ESR1: variants seen among roughly 807,000 people sequenced by gnomAD.
The protein encoded by ESR1 is estrogen receptor.
ESR1 carries 12 observed loss-of-function variants against 52.7 expected under a neutral mutation model. The ratio of observed to expected loss-of-function variants is 0.23; its 90% CI spans 0.15 to 0.37. The LOEUF (loss-of-function observed/expected upper bound fraction) is 0.37, where lower values mean the gene tolerates loss of function less well. ESR1 is among the 10% of genes least tolerant of loss of function. The probability of loss-of-function intolerance (pLI) is 1.00; values close to 1 mark genes in which losing one functional copy is unlikely to be tolerated. For missense variants in ESR1, 584 were observed against 779.7 expected (o/e 0.75, Z 2.99); for synonymous variants, 305 against 316.8 (o/e 0.96, Z 0.39).
At chr6:151,894,670 T>G (rs1175878931) in intron 3 of ESR1, among the ~76,000 whole-genome samples, 1 of 152,178 alleles carries the variant, frequency 6.6e-6, no homozygotes, top group East Asian at 1.9e-4. Flanking sequence ...ATGTTTTTGT[T>G]GGCTTTGGCA....
chr6:151,913,037 G>T (rs1453651028), intron 3 of ESR1, among the ~76,000 whole-genome samples: 1 of 151,710 alleles, frequency 6.6e-6, no homozygotes, highest in African/African-American at 2.4e-5. Flanking sequence ...GTATACCTAT[G>T]TAACAAACCT....
At chr6:151,981,802 T>G (rs1168759475) in intron 4 of ESR1, among the ~76,000 whole-genome samples, 2 of 152,236 alleles carry the variant, frequency 1.3e-5, no homozygotes, top group Non-Finnish European at 2.9e-5. Context: ...GTAGACATAG[T>G]TCTTTGTCCC....
At chr6:151,686,650 T>C (rs143553727), upstream of ESR1, among the ~76,000 whole-genome samples, 2,567 of 152,104 alleles carry the variant, frequency 0.017, 62 homozygotes, top group African/African-American at 0.052. Flanking sequence ...ATGGCGCCAC[T>C]GCACTCCAGC....
At chr6:151,704,708 T>C (rs1006192024) in intron 2 of ESR1, among the ~76,000 whole-genome samples, 10 of 152,176 alleles carry the variant, frequency 6.6e-5, no homozygotes, top group South Asian at 2.1e-4. Context: ...CTGCTCTCCA[T>C]GGCACTTTAT....
intron 3 of ESR1, among the ~76,000 whole-genome samples, chr6:151,925,832 C>T (rs1308461069): frequency 2.0e-5 from 3 of 151,454 alleles, no homozygotes; most frequent in Non-Finnish European, 2.9e-5. Flanking sequence ...TAATTTTTTT[C>T]TTCCATATTG....
At chr6:151,855,507 G>A (rs1303118422) in intron 2 of ESR1, among the ~76,000 whole-genome samples, 1 of 152,168 alleles carries the variant, frequency 6.6e-6, no homozygotes, top group East Asian at 1.9e-4. Context: ...CTTCCCTAGA[G>A]AGGGTTAACT....
chr6:151,776,742 AGAG>A (rs559954200), intron 2 of ESR1, among the ~76,000 whole-genome samples: 23 of 151,822 alleles, frequency 1.5e-4, no homozygotes, highest in African/African-American at 5.3e-4. Context: ...AGAGGATGAG[AGAG>A]GAGAATCGCT....
At chr6:151,899,085 C>T (rs1204583508) in intron 3 of ESR1, among the ~76,000 whole-genome samples, 2 of 144,528 alleles carry the variant, frequency 1.4e-5, no homozygotes, top group Non-Finnish European at 3.0e-5. Context: ...GGCTGACCCC[C>T]CCACCTCCCT....
chr6:151,855,937 T>G (rs139370166), intron 2 of ESR1, among the ~76,000 whole-genome samples: 53 of 152,316 alleles, frequency 3.5e-4, no homozygotes, highest in African/African-American at 1.3e-3. Flanking sequence ...CAATTCTGCA[T>G]GTGTGATAAC....
intron 2 of ESR1, among the ~76,000 whole-genome samples, chr6:151,775,701 G>C (rs1022525768): frequency 2.0e-5 from 3 of 150,264 alleles, no homozygotes; most frequent in Non-Finnish European, 3.0e-5. Context: ...AGCCGAGATC[G>C]CGCCACTGCA....
intron 2 of ESR1, chr6:151,702,015 A>G (rs1292737505): frequency 2.6e-5 from 4 of 152,242 alleles, no homozygotes; most frequent in Non-Finnish European, 5.9e-5. Flanking sequence ...GGTATGTGTG[A>G]ACATACTAGT....
rs113876979 is a variant in ESR1, at chr6:152,002,797, T to C, written c.1097-8859T>C. On this transcript the variant is annotated intron_variant, in intron 4 of 7. Coordinates refer to ENST00000206249, the MANE Select transcript of ESR1 (RefSeq NM_000125.4). ...AAGCTGTGGTTAATACAATTGCCTT[T>C]GCTGAACAAAAATAAAAGACTAGTT... is the stretch of plus-strand genomic sequence containing the variant. 3.4e-4 allele frequency among the ~76,000 whole-genome samples: 52 copies of C among 152,176 alleles called. 1 individual carries two copies. Among genetic ancestry groups the C allele is most frequent in the African/African-American group, 1.2e-3 (50 of 41,552 alleles).
At chr6:151,811,042 G>A (rs769404302) in intron 1 of ESR1, 4 of 152,194 alleles carry the variant, frequency 2.6e-5, no homozygotes, top group Middle Eastern at 3.2e-3. Context: ...CCTCCCGAGT[G>A]TCCCACTGGA....
intron 2 of ESR1, among the ~76,000 whole-genome samples, chr6:151,846,634 G>T (rs2128240933): frequency 6.6e-6 from 1 of 152,316 alleles, no homozygotes; most frequent in South Asian, 2.1e-4. Flanking sequence ...AAGAGGTAAA[G>T]TGTTTGGCTT....
intron 2 of ESR1, among the ~76,000 whole-genome samples, chr6:151,796,311 T>C (rs1244800952): frequency 1.3e-5 from 2 of 152,082 alleles, no homozygotes; most frequent in African/African-American, 4.8e-5. Context: ...TCTGGGTCTT[T>C]TAAAAAGGGG....
At chr6:151,704,248 T>C (rs1442315101) in intron 2 of ESR1, among the ~76,000 whole-genome samples, 1 of 152,212 alleles carries the variant, frequency 6.6e-6, no homozygotes, top group Non-Finnish European at 1.5e-5. Context: ...TGTTTTGTTT[T>C]ATTTGAGACT....
At chr6:151,959,027 A>G (rs755306802) in intron 4 of ESR1, among the ~76,000 whole-genome samples, 7 of 146,230 alleles carry the variant, frequency 4.8e-5, no homozygotes, top group Non-Finnish European at 1.0e-4. Context: ...AGTTCTATGC[A>G]TCTGCAGAGG....
chr6:151,895,133 G>GT (rs34563069), intron 3 of ESR1, among the ~76,000 whole-genome samples: 1,260 of 125,838 alleles, frequency 0.01, 21 homozygotes, highest in African/African-American at 0.033. Flanking sequence ...GTTTTTTTTG[G>GT]TTTTTTTTTT....
intron 3 of ESR1, among the ~76,000 whole-genome samples, chr6:151,910,791 T>C (rs770550140): frequency 2.0e-5 from 3 of 152,192 alleles, no homozygotes; most frequent in Non-Finnish European, 4.4e-5. Flanking sequence ...TATTTCAGTT[T>C]GTATGCCTTC....
Sources: allele counts gnomAD v4.1 joint callset (sites outside exome capture counted in the v4.1 genomes callset), GRCh38; gene constraint gnomAD v4.1.1; transcripts MANE v1.5; gene names NCBI Gene and HGNC (gene_info 2026-07-23, HGNC 2026-07-21).